Variants in DNAH5 observed in about 807,000 individuals in gnomAD.
DNAH5 encodes dynein axonemal heavy chain 5, also known as axonemal beta dynein heavy chain 5.
A neutral mutation model predicts 518.2 loss-of-function variants in DNAH5; 372 were observed. That is an observed-to-expected ratio of 0.72 (90% CI 0.66 to 0.78). DNAH5 has a LOEUF of 0.78. Among genes scored for constraint, DNAH5 ranks in the 30% least tolerant of loss-of-function variants. DNAH5 has a pLI of 0.00. For synonymous variants in DNAH5, 2,039 were observed against 2,025.9 expected (o/e 1.01, Z -0.17); for missense variants, 5,523 against 5,687.0 (o/e 0.97, Z 0.93).
chr5:13,961,086 T>G (rs1341675525), intron 1 of DNAH5, among the ~76,000 whole-genome samples: 1 of 152,174 alleles, frequency 6.6e-6, no homozygotes, highest in Non-Finnish European at 1.5e-5. Flanking sequence ...TTTCTTTGAG[T>G]CAGGAAAGGC....
chr5:13,976,841 A>G (rs1782298607), intron 1 of DNAH5, among the ~76,000 whole-genome samples: 1 of 152,100 alleles, frequency 6.6e-6, no homozygotes, highest in Non-Finnish European at 1.5e-5. Flanking sequence ...TGCAATTACA[A>G]AGACTTCATA....
At chr5:13,864,894 T>G (rs989935164) in intron 27 of DNAH5, among the ~76,000 whole-genome samples, 3 of 152,128 alleles carry the variant, frequency 2.0e-5, no homozygotes, top group African/African-American at 7.2e-5. Context: ...TTTTAGAGCG[T>G]AGAGGTGCTG....
At chr5:13,852,459 G>A (rs6877268) in intron 30 of DNAH5, among the ~76,000 whole-genome samples, 57,350 of 151,940 alleles carry the variant, frequency 0.38, 11,081 homozygotes, top group South Asian at 0.47. Context: ...GAGCCACCAC[G>A]CCCAGCCAGT....
At position 13,829,690 on chromosome 5, in the gene DNAH5, G is replaced by A. The variant is rs1348689; in HGVS notation, c.6264C>T (p.Ala2088=). The A allele has an allele frequency of 0.37, 602,288 of 1,612,658 alleles. 114,267 individuals carry two copies. The highest frequency in any genetic ancestry group is 0.57 in the East Asian group (25,470 of 44,856). The change falls in exon 38 of 79, where the codon GCC becomes GCT. Residue 2088 remains alanine (A), a synonymous_variant. Coordinates refer to ENST00000265104, the MANE Select transcript of DNAH5 (RefSeq NM_001369.3). ...AGTTTTCAGGGAGTTCCTGCCGTCCGGCATAGCCAGGATTCTAAACAGAAA... is the reference window on the plus strand; with the variant it reads ...AGTTTTCAGGGAGTTCCTGCCGTCCAGCATAGCCAGGATTCTAAACAGAAA... The part of the protein sequence containing the change: ...GLFLTMNPGY[A]GRQELPENLK...
In DNAH5 at chr5:13,790,318, T is replaced by C. The variant is rs181469552; in HGVS notation, c.8449-1404A>G. ...AACCTAAATGCTCATCAGTGGCAGA[T>C]TGGATAAAGAAAATGTGTGACCTAT... On this transcript the variant is annotated intron_variant, in intron 50 of 78. Transcript: ENST00000265104. Among the ~76,000 whole-genome samples the C allele has an allele frequency of 9.9e-4, 151 of 152,304 alleles. No homozygotes were observed. The Middle Eastern group carries it at 0.01, about 10-fold the overall frequency.
At chr5:13,997,265 A>T (rs1166739767) in intron 1 of DNAH5, among the ~76,000 whole-genome samples, 1 of 152,242 alleles carries the variant, frequency 6.6e-6, no homozygotes, top group Non-Finnish European at 1.5e-5. Flanking sequence ...TTTTATTATA[A>T]GAGTCAAGAG....
chr5:13,749,444 T>C (rs1352055226), intron 65 of DNAH5, among the ~76,000 whole-genome samples: 2 of 152,204 alleles, frequency 1.3e-5, no homozygotes, highest in Non-Finnish European at 2.9e-5. Flanking sequence ...TGTTTTCAAA[T>C]GAGCTTAACA....
chr5:13,850,661 G>A lies in DNAH5; in HGVS notation c.5105C>T (p.Ser1702Phe), dbSNP rs542591554. ...GAGCCAGTGAACTTACCCAGTAAGGGATTTCTGGCATATTTCCAACTGGTC... is the reference window on the plus strand; with the variant it reads ...GAGCCAGTGAACTTACCCAGTAAGGAATTTCTGGCATATTTCCAACTGGTC... ...LLDQLEICQK[S>F]LTGYLEKKRL... The change falls in exon 31 of 79, where the codon TCC (serine) becomes TTC (phenylalanine). Residue 1702 changes from serine (S) to phenylalanine (F), a missense_variant. Transcript: ENST00000265104. The A allele has an allele frequency of 1.7e-5, 27 of 1,613,742 alleles. No individual in the cohort carries two copies. The highest frequency in any genetic ancestry group is 1.9e-5 in the Non-Finnish European group (23 of 1,179,844).
chr5:13,841,141 TA>T lies in DNAH5; in HGVS notation c.5485-12del. On this transcript the variant is annotated splice_polypyrimidine_tract_variant and intron_variant, in intron 33 of 78. Coordinates refer to ENST00000265104, the MANE Select transcript of DNAH5 (RefSeq NM_001369.3). ...TCCTAATAATCCAACCTTATGGAAA[TA>T]AAAAAGGCTTCATGAATTTGTATGG... The T allele has an allele frequency of 1.3e-6, 2 of 1,598,672 alleles. No individual in the cohort carries two copies. Among genetic ancestry groups the T allele is most frequent in the Admixed American group, 1.7e-5 (1 of 59,968 alleles).
chr5:13,937,919 T>C (rs10058991), intron 1 of DNAH5, among the ~76,000 whole-genome samples: 60,729 of 152,054 alleles, frequency 0.4, 13,466 homozygotes, highest in East Asian at 0.7. Context: ...AAATAATGTA[T>C]TCTATGAATT....
chr5:13,784,451 A>G (rs537930734), intron 52 of DNAH5, among the ~76,000 whole-genome samples: 10 of 152,324 alleles, frequency 6.6e-5, no homozygotes, highest in Admixed American at 1.3e-4. Flanking sequence ...TGCCAAGCCA[A>G]GTGCCCTCGT....
chr5:13,953,236 C>T (rs557973149), intron 1 of DNAH5, among the ~76,000 whole-genome samples: 14 of 152,206 alleles, frequency 9.2e-5, no homozygotes, highest in Non-Finnish European at 1.5e-4. Context: ...AACTTCTTGA[C>T]GGAGCAGAGG....
intron 35 of DNAH5, among the ~76,000 whole-genome samples, chr5:13,838,803 G>A (rs1580508840): frequency 6.6e-6 from 1 of 152,052 alleles, no homozygotes; most frequent in Non-Finnish European, 1.5e-5. Context: ...CAGAAAGGCT[G>A]GGGACCACTG....
chr5:13,872,017 C>G lies in DNAH5; in HGVS notation c.3397-252G>C, dbSNP rs75223492. On this transcript the variant is annotated intron_variant, in intron 22 of 78. Coordinates refer to ENST00000265104, the MANE Select transcript of DNAH5 (RefSeq NM_001369.3). ...GGAGCAGTTTCTAGAAACTAGATGA[C>G]AGTTCTTGAAGATCCTGTGGACAGG... Among the ~76,000 whole-genome samples the G allele has an allele frequency of 1.7e-3, 255 of 152,310 alleles. 2 individuals are homozygous for G. Among genetic ancestry groups the G allele is most frequent in the African/African-American group, 5.7e-3 (237 of 41,578 alleles).
intron 78 of DNAH5, among the ~76,000 whole-genome samples, chr5:13,699,029 A>C (rs1473451235): frequency 4.6e-5 from 7 of 152,130 alleles, no homozygotes; most frequent in Non-Finnish European, 1.0e-4. Flanking sequence ...GAGAATGGGA[A>C]GCCTGTTTGG....
chr5:13,805,507 A>G (rs1238976815), intron 47 of DNAH5, among the ~76,000 whole-genome samples: 1 of 152,060 alleles, frequency 6.6e-6, no homozygotes, highest in African/African-American at 2.4e-5. Flanking sequence ...AAAAAAAATA[A>G]AAAGATCTGA....
intron 54 of DNAH5, 102 bp from the exon 55 acceptor site, chr5:13,776,808 T>C: frequency 7.8e-7 from 1 of 1,288,756 alleles, no homozygotes; most frequent in Non-Finnish European, 1.1e-6. Context: ...TTTGTGTTCT[T>C]GAACTCACCT....
intron 16 of DNAH5, 72 bp downstream of exon 16, chr5:13,894,578 A>T (rs1773671936): frequency 6.6e-7 from 1 of 1,505,774 alleles, no homozygotes; most frequent in African/African-American, 1.4e-5. Context: ...CATATTGATA[A>T]GAAATTATTC....
At chr5:13,829,129 T>C (rs1262239788) in intron 38 of DNAH5, among the ~76,000 whole-genome samples, 2 of 152,166 alleles carry the variant, frequency 1.3e-5, no homozygotes, top group Non-Finnish European at 1.5e-5. Flanking sequence ...TAGTAAACCT[T>C]GGTCAAATAC....
Sources: gnomAD v4.1 joint callset for allele counts (sites outside exome capture counted in the v4.1 genomes callset) on GRCh38, gnomAD v4.1.1 for gene constraint, MANE v1.5 for transcripts, NCBI Gene and HGNC (gene_info 2026-07-23, HGNC 2026-07-21) for gene names.